The following PPEF2 variants were observed in gnomAD, a reference collection of about 807,000 sequenced individuals.
PPEF2 encodes the protein protein phosphatase with EF-hand domain 2, also known as serine/threonine-protein phosphatase with EF-hands 2.
PPEF2 carries 84 observed loss-of-function variants against 84.7 expected under a neutral mutation model. The ratio of observed to expected loss-of-function variants is 0.99; its 90% CI spans 0.83 to 1.19. PPEF2 has a LOEUF of 1.19. Ranked by LOEUF, PPEF2 falls within the 50% of genes most tolerant of loss-of-function variation. The pLI is 0.00. For missense variants in PPEF2, 924 were observed against 937.5 expected, an observed-to-expected ratio of 0.99 and a Z score of 0.19; for synonymous variants, 346 against 345.2, an observed-to-expected ratio of 1.00 and a Z score of -0.03.
At chr4:75,887,932 G>A (rs1485708506) in intron 6 of PPEF2, among the ~76,000 whole-genome samples, 2 of 152,196 alleles carry the variant, frequency 1.3e-5, no homozygotes, top group East Asian at 1.9e-4. Context: ...CTGGTTATTT[G>A]CAGAGATTTT....
At chr4:75,871,063 G>A (rs371783042) in intron 13 of PPEF2, among the ~76,000 whole-genome samples, 6 of 151,770 alleles carry the variant, frequency 4.0e-5, no homozygotes, top group African/African-American at 7.3e-5. Flanking sequence ...GATTACAGGC[G>A]TGTACCACCA....
chr4:75,873,261 T>C lies in PPEF2; in HGVS notation c.1372A>G (p.Asn458Asp), dbSNP rs149093622. The change falls in exon 12 of 17, where the codon AAC becomes GAC. Residue 458 changes from asparagine (N) to aspartate (D), a missense_variant. Coordinates refer to ENST00000286719, the MANE Select transcript of PPEF2 (RefSeq NM_006239.3). Reference sequence around the variant, plus strand: ...TAACAGCCTCCTCCTCGAATAGTGTTGGCCTTGCAGCCCTCTTGAGCCATG... The same window carrying C: ...TAACAGCCTCCTCCTCGAATAGTGTCGGCCTTGCAGCCCTCTTGAGCCATG... ...DPMAQEGCKA[N>D]TIRGGGCYFG... 4.3e-6 allele frequency: 7 copies of C among 1,614,192 alleles called. No individual in the cohort carries two copies. The highest frequency in any genetic ancestry group is 5.9e-6 in the Non-Finnish European group (7 of 1,180,036).
chr4:75,864,582 A>G, intron 15 of PPEF2, 55 bp from the exon 16 acceptor site: 1 of 1,358,326 alleles, frequency 7.4e-7, no homozygotes, highest in Non-Finnish European at 1.1e-6. Context: ...TTGTTCCAAT[A>G]TATAATTAAC....
At chr4:75,887,827 C>T (rs1024597802) in intron 6 of PPEF2, among the ~76,000 whole-genome samples, 13 of 152,138 alleles carry the variant, frequency 8.5e-5, no homozygotes, top group African/African-American at 2.9e-4. Context: ...GACTTCTTTC[C>T]AGGAGAGGAA....
chr4:75,876,607 C>CTCT lies in PPEF2; in HGVS notation c.997_999dup (p.Arg333dup). On this transcript the variant is annotated inframe_insertion, in exon 11 of 17. Transcript: ENST00000286719. ...CCCTGTGCAGAGCTCTTCTGGTTGGCTCTTCTCTTCTCCTCCATCTGCTTC... is the reference window on the plus strand; with the variant it reads ...CCCTGTGCAGAGCTCTTCTGGTTGGCTCTTCTTCTCTTCTCCTCCATCTGCTTC... The CTCT allele has an allele frequency of 6.2e-7, 1 of 1,604,792 alleles. No individual in the cohort carries two copies. Among genetic ancestry groups the CTCT allele is most frequent in the South Asian group, 1.1e-5 (1 of 89,612 alleles).
chr4:75,864,304 A>G, intron 16 of PPEF2, 136 bp downstream of exon 16: 1 of 661,754 alleles, frequency 1.5e-6, no homozygotes, highest in Non-Finnish European at 2.6e-6. Context: ...TCTGTCATTT[A>G]TAAGCACTAA....
intron 10 of PPEF2, among the ~76,000 whole-genome samples, chr4:75,877,355 T>TA (rs1403820521): frequency 1.9e-5 from 1 of 53,774 alleles, no homozygotes. Flanking sequence ...AAATAAACAA[T>TA]AAAAAAGAGA....
At chr4:75,877,679 T>C (rs1724464156) in intron 10 of PPEF2, among the ~76,000 whole-genome samples, 1 of 152,118 alleles carries the variant, frequency 6.6e-6, no homozygotes, top group Admixed American at 6.6e-5. Context: ...TCTCTTTTTT[T>C]TTTTTAACTT....
At chr4:75,892,641 C>T (rs560873922) in intron 2 of PPEF2, among the ~76,000 whole-genome samples, 53 of 152,308 alleles carry the variant, frequency 3.5e-4, no homozygotes, top group African/African-American at 1.2e-3. Context: ...TAAGCACCCC[C>T]GTCATAAGAT....
chr4:75,893,825 A>T (rs1724947134), intron 2 of PPEF2, among the ~76,000 whole-genome samples: 1 of 146,814 alleles, frequency 6.8e-6, no homozygotes, highest in Non-Finnish European at 1.5e-5. Flanking sequence ...TGCTTTGGCT[A>T]CTCAGGCAGC....
intron 6 of PPEF2, among the ~76,000 whole-genome samples, chr4:75,887,620 CAA>C (rs34334071): frequency 0.49 from 60,793 of 124,098 alleles, 15,237 homozygotes; most frequent in East Asian, 0.93. Context: ...GACTGTGTCT[CAA>C]AAAAAAAAAA....
At chr4:75,879,565 G>GT (rs1724512629) in intron 10 of PPEF2, among the ~76,000 whole-genome samples, 1 of 152,082 alleles carries the variant, frequency 6.6e-6, no homozygotes, top group African/African-American at 2.4e-5. Context: ...TAATTGTAGA[G>GT]TTTTTTTGTC....
At chr4:75,882,851 C>T (rs1421939136) in intron 10 of PPEF2, 75 bp downstream of exon 10, 46 of 1,489,002 alleles carry the variant, frequency 3.1e-5, no homozygotes, top group Admixed American at 3.0e-4. Flanking sequence ...CTGCAGTCAG[C>T]ATGTAAGATG....
chr4:75,880,466 T>G (rs1724540172), intron 10 of PPEF2, among the ~76,000 whole-genome samples: 1 of 152,194 alleles, frequency 6.6e-6, no homozygotes, highest in Admixed American at 6.5e-5. Flanking sequence ...AAACCAAACA[T>G]TGGGAAGTTA....
At chr4:75,893,669 G>T (rs1161821145) in intron 2 of PPEF2, among the ~76,000 whole-genome samples, 2 of 152,190 alleles carry the variant, frequency 1.3e-5, no homozygotes, top group African/African-American at 4.8e-5. Context: ...GGTTTAACAA[G>T]CTCCATACAT....
chr4:75,866,376 G>T (rs780251586), intron 14 of PPEF2, 24 bp from the exon 15 acceptor site: 10 of 1,608,332 alleles, frequency 6.2e-6, no homozygotes, highest in Non-Finnish European at 8.5e-6. Context: ...CTAACCTGTT[G>T]CCTTGTCACC....
intron 10 of PPEF2, among the ~76,000 whole-genome samples, chr4:75,880,121 C>T (rs1033618751): frequency 6.6e-6 from 1 of 152,156 alleles, no homozygotes; most frequent in Non-Finnish European, 1.5e-5. Context: ...AGCCACTGTG[C>T]CTGGCCCAGG....
chr4:75,866,192 G>A lies in PPEF2; in HGVS notation c.1917C>T (p.Arg639=), dbSNP rs138432577. The change falls in exon 15 of 17, where the codon CGC becomes CGT. Residue 639 remains arginine, a synonymous_variant. Coordinates refer to ENST00000286719, the MANE Select transcript of PPEF2 (RefSeq NM_006239.3). ...TCCACCATTACCACACCGTTACCTCGCGACTCAGTTGTTCCTTGGCCAAGT... is the reference window on the plus strand; with the variant it reads ...TCCACCATTACCACACCGTTACCTCACGACTCAGTTGTTCCTTGGCCAAGT... The part of the protein sequence containing the change: ...LKNLAKEQLS[R]ENIQSSLLET... The A allele has an allele frequency of 1.2e-4, 195 of 1,610,280 alleles. No homozygotes were observed. The African/African-American group carries it at 1.7e-3, about 14-fold the overall frequency.
intron 13 of PPEF2, 95 bp from the exon 14 acceptor site, chr4:75,867,514 A>C: frequency 1.1e-6 from 1 of 920,602 alleles, no homozygotes. Flanking sequence ...TTCTTAACAT[A>C]TCAGTCTCCC....
Sources: gnomAD v4.1 joint callset for allele counts (sites outside exome capture counted in the v4.1 genomes callset) on GRCh38, gnomAD v4.1.1 for gene constraint, MANE v1.5 for transcripts, NCBI Gene and HGNC (gene_info 2026-07-23, HGNC 2026-07-21) for gene names.